The following PACSIN2 variants were observed in gnomAD, a reference collection of about 807,000 sequenced individuals.
PACSIN2 encodes the protein protein kinase C and casein kinase substrate in neurons protein 2.
PACSIN2 carries 25 observed loss-of-function variants against 63.8 expected under a neutral mutation model. The ratio of observed to expected loss-of-function variants is 0.39; its 90% CI spans 0.29 to 0.55. The LOEUF (loss-of-function observed/expected upper bound fraction) is 0.55. PACSIN2 is among the 20% of genes least tolerant of loss of function. PACSIN2 has a pLI of 0.62. For missense variants in PACSIN2, 518 were observed against 646.9 expected (o/e 0.80, Z 2.16); for synonymous variants, 255 against 256.2 (o/e 1.00, Z 0.05).
At position 42,974,894 on chromosome 22, in the gene PACSIN2, T is replaced by C. The variant is rs188674990; in HGVS notation, c.-78+40127A>G. Among the ~76,000 whole-genome samples the C allele has an allele frequency of 8.1e-4, 124 of 152,232 alleles. 1 individual carries two copies. The highest frequency in any genetic ancestry group is 7.2e-4 in the Non-Finnish European group (49 of 68,004). On this transcript the variant is annotated intron_variant, in intron 1 of 10. Coordinates refer to ENST00000263246, the MANE Select transcript of PACSIN2 (RefSeq NM_001184970.3). ...ACATAAGCTTTGGGAATTAGTCCTCTTTTCCTTTCCTCTCCACCCCAGATT... is the reference window on the plus strand; with the variant it reads ...ACATAAGCTTTGGGAATTAGTCCTCCTTTCCTTTCCTCTCCACCCCAGATT...
At chr22:42,907,014 A>G (rs1215714164) in intron 2 of PACSIN2, among the ~76,000 whole-genome samples, 1 of 152,192 alleles carries the variant, frequency 6.6e-6, no homozygotes, top group African/African-American at 2.4e-5. Context: ...GCCCGCCCGG[A>G]GCAGTCAGGG....
chr22:42,965,266 CA>C (rs1456860494), intron 1 of PACSIN2, among the ~76,000 whole-genome samples: 28 of 152,244 alleles, frequency 1.8e-4, no homozygotes, highest in Admixed American at 4.6e-4. Context: ...TTGCCAGGGC[CA>C]GGGGGCAGGG....
At chr22:42,926,940 C>T (rs1441555579) in intron 1 of PACSIN2, among the ~76,000 whole-genome samples, 4 of 152,190 alleles carry the variant, frequency 2.6e-5, no homozygotes, top group African/African-American at 9.7e-5. Flanking sequence ...CTGGGCTCCT[C>T]GGCAGCTCTG....
At chr22:42,913,565 T>C (rs890641326) in intron 1 of PACSIN2, among the ~76,000 whole-genome samples, 2 of 151,556 alleles carry the variant, frequency 1.3e-5, no homozygotes, top group Non-Finnish European at 2.9e-5. Flanking sequence ...TACAAGAGCT[T>C]AGAACAATAC....
chr22:42,873,568 GGGT>G (rs1196277528), intron 10 of PACSIN2, among the ~76,000 whole-genome samples: 1 of 152,178 alleles, frequency 6.6e-6, no homozygotes, highest in African/African-American at 2.4e-5. Context: ...TCAGGGGTTG[GGGT>G]GGTGGTGGTA....
chr22:42,918,167 G>A lies in PACSIN2; in HGVS notation c.-77-6010C>T, dbSNP rs577676967. Among the ~76,000 whole-genome samples the A allele has an allele frequency of 3.9e-5, 6 of 152,244 alleles. No individual in the cohort carries two copies. In the East Asian group the frequency reaches 1.2e-3, roughly 29 times the overall value. ...TGAGTAGGAACCAGCTGCACACCAG[G>A]GCCACTGCAGACAGGCCACACCCTA... On this transcript the variant is annotated intron_variant, in intron 1 of 10. Transcript: ENST00000263246.
chr22:42,902,081 C>T (rs1485795465), intron 2 of PACSIN2, among the ~76,000 whole-genome samples: 1 of 152,226 alleles, frequency 6.6e-6, no homozygotes. Context: ...GTGTGAAGGG[C>T]CACGAGGCCC....
intron 1 of PACSIN2, among the ~76,000 whole-genome samples, chr22:42,983,016 A>C (rs1286750525): frequency 6.6e-6 from 1 of 151,926 alleles, no homozygotes; most frequent in East Asian, 1.9e-4. Context: ...CCCCATCTCT[A>C]CTAAAAATAC....
In PACSIN2 at chr22:43,013,171, C is replaced by T. The variant is rs146549502; in HGVS notation, c.-78+1850G>A. Among the ~76,000 whole-genome samples, 142 of 152,352 alleles carry T rather than the reference C, an allele frequency of 9.3e-4. 3 individuals carry two copies. The East Asian group carries it at 0.025, about 26-fold the overall frequency. On this transcript the variant is annotated intron_variant, in intron 1 of 10. Coordinates refer to ENST00000263246, the MANE Select transcript of PACSIN2 (RefSeq NM_001184970.3). Reference sequence around the variant, plus strand: ...TAAAGTTCCAAGTCCCAAAGCAGCACGAGCTAAGGATACCATTTCCATTCA... The same window carrying T: ...TAAAGTTCCAAGTCCCAAAGCAGCATGAGCTAAGGATACCATTTCCATTCA...
At chr22:42,962,152 G>A (rs370659754) in intron 1 of PACSIN2, among the ~76,000 whole-genome samples, 4 of 149,954 alleles carry the variant, frequency 2.7e-5, no homozygotes, top group African/African-American at 7.4e-5. Context: ...TTGTCTACCT[G>A]TTCCCTCCCC....
At position 42,940,103 on chromosome 22, in the gene PACSIN2, C is replaced by G. The variant is rs530114129; in HGVS notation, c.-77-27946G>C. ...CTCCTCCGAAGGCTGTAGGCAGGAGCGGGACAATGCTTGCTATCAGCTCCA... is the reference window on the plus strand; with the variant it reads ...CTCCTCCGAAGGCTGTAGGCAGGAGGGGGACAATGCTTGCTATCAGCTCCA... On this transcript the variant is annotated intron_variant, in intron 1 of 10. Transcript: ENST00000263246. 3.2e-4 allele frequency among the ~76,000 whole-genome samples: 48 copies of G among 152,262 alleles called. No individual in the cohort carries two copies. In the South Asian group the frequency reaches 9.7e-3, roughly 31 times the overall value.
Position 42,981,316 on chromosome 22 carries a change from G to A in PACSIN2, c.-78+33705C>T, listed in dbSNP as rs1455224372. Among the ~76,000 whole-genome samples, 9 of 141,548 alleles carry A rather than the reference G, an allele frequency of 6.4e-5. No homozygotes were observed. The East Asian group carries it at 6.8e-4, about 11-fold the overall frequency. 92.9% of individuals were successfully genotyped at this position (141,548 alleles called of 152,430 possible). ...CCACCCCGTCTGGGAAGTGAGGAGC[G>A]TCTCCGCCCGGCAGCCACCCCGTCC... On this transcript the variant is annotated intron_variant, in intron 1 of 10. Transcript: ENST00000263246.
chr22:42,999,925 G>A (rs1923659928), intron 1 of PACSIN2, among the ~76,000 whole-genome samples: 1 of 152,274 alleles, frequency 6.6e-6, no homozygotes. Flanking sequence ...ACCGATGGCT[G>A]TGCTACAATG....
intron 2 of PACSIN2, among the ~76,000 whole-genome samples, chr22:42,901,391 G>A (rs9611957): frequency 0.45 from 67,942 of 152,088 alleles, 15,733 homozygotes; most frequent in Non-Finnish European, 0.48. Context: ...AGTTGGCAAC[G>A]AGACGGGCAA....
At chr22:43,011,714 T>C (rs1924498946) in intron 1 of PACSIN2, among the ~76,000 whole-genome samples, 1 of 152,024 alleles carries the variant, frequency 6.6e-6, no homozygotes, top group Admixed American at 6.6e-5. Context: ...CCATCTCTAT[T>C]AAAAATACAA....
chr22:42,888,582 C>G, intron 5 of PACSIN2, 61 bp downstream of exon 5: 1 of 1,550,036 alleles, frequency 6.5e-7, no homozygotes, highest in Non-Finnish European at 8.9e-7. Flanking sequence ...AGGCTATATG[C>G]CAGACACGTC....
chr22:42,901,217 A>C (rs781593218), intron 2 of PACSIN2, among the ~76,000 whole-genome samples: 7 of 152,176 alleles, frequency 4.6e-5, no homozygotes, highest in Non-Finnish European at 7.4e-5. Context: ...GCTGACCTAC[A>C]GAAGAGCTCC....
intron 1 of PACSIN2, among the ~76,000 whole-genome samples, chr22:42,992,867 A>G (rs1316791414): frequency 6.6e-6 from 1 of 152,224 alleles, no homozygotes; most frequent in Non-Finnish European, 1.5e-5. Context: ...ACATACTGTA[A>G]AAAGAATATA....
intron 1 of PACSIN2, among the ~76,000 whole-genome samples, chr22:42,945,364 T>A (rs543820395): frequency 6.6e-6 from 1 of 152,234 alleles, no homozygotes; most frequent in South Asian, 2.1e-4. Flanking sequence ...CCCCAGGTTC[T>A]GTCCCAGGCC....
Sources: allele counts gnomAD v4.1 joint callset (sites outside exome capture counted in the v4.1 genomes callset), GRCh38; gene constraint gnomAD v4.1.1; transcripts MANE v1.5; gene names NCBI Gene and HGNC (gene_info 2026-07-23, HGNC 2026-07-21).